Variants in WWOX observed in about 807,000 individuals in gnomAD.
WWOX encodes WW domain containing oxidoreductase, also known as WW domain-containing oxidoreductase.
WWOX carries 69 observed loss-of-function variants against 46.2 expected under a neutral mutation model. The ratio of observed to expected loss-of-function variants is 1.49; its 90% confidence interval spans 1.23 to 1.82. The LOEUF is 1.82. Ranked by LOEUF, WWOX falls within the 40% of genes most tolerant of loss-of-function variation. The pLI, the probability that WWOX is intolerant of heterozygous loss-of-function variation, is 0.00. For missense variants in WWOX, 919 were observed against 542.6 expected (o/e 1.69, Z -6.89); for synonymous variants, 359 against 202.6 (o/e 1.77, Z -6.56).
chr16:78,803,276 C>G (rs2050944085), intron 8 of WWOX, among the ~76,000 whole-genome samples: 1 of 151,302 alleles, frequency 6.6e-6, no homozygotes, highest in African/African-American at 2.4e-5. Flanking sequence ...CCACCACGTG[C>G]TCTTGTGTGT....
intron 8 of WWOX, among the ~76,000 whole-genome samples, chr16:79,075,013 G>T (rs998569163): frequency 6.6e-6 from 1 of 152,198 alleles, no homozygotes; most frequent in African/African-American, 2.4e-5. Context: ...CTACTCCTCA[G>T]TGACCCCAAA....
chr16:78,897,489 G>A (rs892063428), intron 8 of WWOX: 2 of 152,162 alleles, frequency 1.3e-5, no homozygotes, highest in South Asian at 4.1e-4. Context: ...CATCCATGTT[G>A]ATGGGTGTAT....
chr16:78,701,680 G>A (rs1035665586), intron 8 of WWOX, among the ~76,000 whole-genome samples: 3 of 151,940 alleles, frequency 2.0e-5, no homozygotes, highest in East Asian at 3.9e-4. Context: ...CTATGAGCTC[G>A]AAGGGAGCAT....
intron 5 of WWOX, among the ~76,000 whole-genome samples, chr16:78,172,476 G>T (rs551285771): frequency 1.3e-5 from 2 of 152,024 alleles, no homozygotes; most frequent in East Asian, 3.9e-4. Context: ...CCTAAAACTT[G>T]TGCTTGGTAC....
rs563040319 is a variant in WWOX at position 78,217,450 on chromosome 16, C to T, written c.516+53161C>T. 2.6e-5 allele frequency among the ~76,000 whole-genome samples: 4 copies of T among 152,140 alleles called. No homozygotes were observed. The South Asian group carries it at 8.3e-4, about 32-fold the overall frequency. On this transcript the variant is annotated intron_variant, in intron 5 of 8. Coordinates refer to ENST00000566780, the MANE Select transcript of WWOX (RefSeq NM_016373.4). The stretch of plus-strand genomic sequence containing the variant: ...AGCAGCAGAACAAAAATCGAGGGTG[C>T]CAAATAATCGTATGAAGTGGTGAAC...
rs148203802 is a variant in WWOX at position 78,510,233 on chromosome 16, G to A, written c.1056+77481G>A. Among the ~76,000 whole-genome samples, 108 of 152,034 alleles carry A rather than the reference G, an allele frequency of 7.1e-4. No homozygotes were observed. The East Asian group carries it at 9.1e-3, about 13-fold the overall frequency. ...CTTTCATCCTTCTTTTTTTGGAGAT[G>A]GAGTCTTGCTCTGTTGACCATGCTA... On this transcript the variant is annotated intron_variant, in intron 8 of 8. Coordinates refer to ENST00000566780, the MANE Select transcript of WWOX (RefSeq NM_016373.4).
chr16:78,235,352 G>A (rs1310550295), intron 5 of WWOX, among the ~76,000 whole-genome samples: 1 of 152,142 alleles, frequency 6.6e-6, no homozygotes, highest in Non-Finnish European at 1.5e-5. Flanking sequence ...CTGGTGGAGG[G>A]AAACAAGCCT....
chr16:78,159,894 ATGT>A (rs1831218918), intron 4 of WWOX, among the ~76,000 whole-genome samples: 3 of 151,750 alleles, frequency 2.0e-5, no homozygotes. Flanking sequence ...ATGTGGCATA[ATGT>A]TGTCCTTTTA....
At chr16:78,358,585 G>A (rs1274993863) in intron 5 of WWOX, among the ~76,000 whole-genome samples, 1 of 152,134 alleles carries the variant, frequency 6.6e-6, no homozygotes, top group Non-Finnish European at 1.5e-5. Context: ...TTGAACCTGG[G>A]AAGTGGAGTT....
At chr16:78,452,492 T>G (rs1468693998) in intron 8 of WWOX, among the ~76,000 whole-genome samples, 10 of 150,626 alleles carry the variant, frequency 6.6e-5, no homozygotes, top group African/African-American at 2.5e-4. Flanking sequence ...TTTTTTTTTT[T>G]TTGAGACGGA....
intron 5 of WWOX, among the ~76,000 whole-genome samples, chr16:78,356,174 G>A (rs935739393): frequency 6.7e-6 from 1 of 149,388 alleles, no homozygotes; most frequent in Non-Finnish European, 1.5e-5. Context: ...GCGACAGAGC[G>A]AGACTCTGTC....
chr16:78,175,502 C>T (rs1200420114), intron 5 of WWOX, among the ~76,000 whole-genome samples: 2 of 152,194 alleles, frequency 1.3e-5, no homozygotes, highest in African/African-American at 4.8e-5. Context: ...TTCGTGGCTT[C>T]TTCTTGCTCA....
chr16:78,925,162 T>TCCAG (rs1005468916), intron 8 of WWOX, among the ~76,000 whole-genome samples: 1 of 152,160 alleles, frequency 6.6e-6, no homozygotes, highest in African/African-American at 2.4e-5. Context: ...GCCACTGCAC[T>TCCAG]CCAGACTGCA....
intron 8 of WWOX, among the ~76,000 whole-genome samples, chr16:78,749,601 A>G (rs1342587078): frequency 6.6e-6 from 1 of 152,184 alleles, no homozygotes; most frequent in Non-Finnish European, 1.5e-5. Flanking sequence ...TGGAGGATAT[A>G]CATTTGGAGG....
chr16:78,689,976 T>A (rs992971443), intron 8 of WWOX, among the ~76,000 whole-genome samples: 10 of 152,096 alleles, frequency 6.6e-5, no homozygotes, highest in Non-Finnish European at 1.3e-4. Flanking sequence ...TTCTCCTACC[T>A]CAGCCTCCTG....
At chr16:78,726,219 T>C (rs1270672849) in intron 8 of WWOX, among the ~76,000 whole-genome samples, 1 of 150,636 alleles carries the variant, frequency 6.6e-6, no homozygotes, top group African/African-American at 2.4e-5. Flanking sequence ...TTTTCTTCCT[T>C]CCTTCCTTTT....
chr16:78,913,347 G>A (rs989474567), intron 8 of WWOX, among the ~76,000 whole-genome samples: 1 of 151,978 alleles, frequency 6.6e-6, no homozygotes, highest in African/African-American at 2.4e-5. Context: ...GTTAGGTGCA[G>A]CCATGTGCCT....
In WWOX at chr16:78,888,632, C is replaced by T. The variant is rs553569827; in HGVS notation, c.1057-322976C>T. ...CTTAAATGTGTCCCTGCTGACCGAG[C>T]CAGAACTTATTTTTATGTTGCCACT... On this transcript the variant is annotated intron_variant, in intron 8 of 8. Transcript: ENST00000566780. Among the ~76,000 whole-genome samples, 17 of 152,224 alleles carry T rather than the reference C, an allele frequency of 1.1e-4. No homozygotes were observed. The East Asian group carries it at 1.7e-3, about 16-fold the overall frequency.
intron 8 of WWOX, among the ~76,000 whole-genome samples, chr16:78,789,161 G>A (rs375315531): frequency 1.3e-5 from 2 of 152,252 alleles, no homozygotes; most frequent in African/African-American, 4.8e-5. Context: ...CATTTGGTGA[G>A]AGGAGTCTTC....
Sources: gnomAD v4.1 joint callset for allele counts (sites outside exome capture counted in the v4.1 genomes callset) on GRCh38, gnomAD v4.1.1 for gene constraint, MANE v1.5 for transcripts, NCBI Gene and HGNC (gene_info 2026-07-23, HGNC 2026-07-21) for gene names.